Variants in MYT1L observed in about 807,000 individuals in gnomAD.
MYT1L encodes the protein myelin transcription factor 1-like protein.
A neutral mutation model predicts 126.7 loss-of-function variants in MYT1L; 12 were observed. The ratio of observed to expected loss-of-function variants is 0.09; its 90% confidence interval spans 0.06 to 0.15. MYT1L has a LOEUF of 0.15. Ranked by LOEUF, MYT1L falls within the 10% of genes least tolerant of loss-of-function variation. The pLI, the probability that MYT1L is intolerant of heterozygous loss-of-function variation, is 1.00. For synonymous variants in MYT1L, 541 were observed against 604.2 expected (o/e 0.90, Z 1.53); for missense variants, 979 against 1,585.2 (o/e 0.62, Z 6.49).
chr2:1,837,158 T>C (rs376326071), intron 21 of MYT1L, among the ~76,000 whole-genome samples: 2 of 152,174 alleles, frequency 1.3e-5, no homozygotes, highest in East Asian at 3.9e-4. Flanking sequence ...TAACATACAA[T>C]GCAACCAGAG....
At chr2:2,313,563 C>A (rs1032539350) in intron 1 of MYT1L, among the ~76,000 whole-genome samples, 12 of 151,508 alleles carry the variant, frequency 7.9e-5, no homozygotes, top group African/African-American at 2.9e-4. Context: ...TAGAACATTT[C>A]TCTTCAAAGA....
chr2:2,167,932 T>C (rs2089426171), intron 3 of MYT1L, among the ~76,000 whole-genome samples: 1 of 152,260 alleles, frequency 6.6e-6, no homozygotes, highest in Admixed American at 6.5e-5. Flanking sequence ...ACATACGTTA[T>C]ATAAATGCAT....
At chr2:2,199,569 G>T (rs181634953) in intron 2 of MYT1L, among the ~76,000 whole-genome samples, 1 of 152,298 alleles carries the variant, frequency 6.6e-6, no homozygotes, top group East Asian at 1.9e-4. Flanking sequence ...CCCCGTCCTC[G>T]CATTTGATGG....
At chr2:2,107,863 T>C (rs2078940673) in intron 3 of MYT1L, among the ~76,000 whole-genome samples, 1 of 152,096 alleles carries the variant, frequency 6.6e-6, no homozygotes, top group African/African-American at 2.4e-5. Context: ...CTGCTCTGCC[T>C]TTACCCCAGA....
rs1240333867 is a variant in MYT1L at position 2,172,560 on chromosome 2, C to A, written c.-304+312G>T. On this transcript the variant is annotated intron_variant, in intron 3 of 24. Transcript: ENST00000647738. ...AGATGAAAGTATTTACTCAAAGCAG[C>A]AAATGGGACAAGCACCAGAGGAGGG... Among the ~76,000 whole-genome samples, 3 of 152,266 alleles carry A rather than the reference C, an allele frequency of 2.0e-5. No homozygotes were observed. In the East Asian group the frequency reaches 5.8e-4, roughly 29 times the overall value.
intron 1 of MYT1L, among the ~76,000 whole-genome samples, chr2:2,297,221 G>A (rs1040164185): frequency 1.3e-5 from 2 of 152,236 alleles, no homozygotes; most frequent in African/African-American, 4.8e-5. Flanking sequence ...AGGCTTCTCA[G>A]TGAAGTCGTG....
intron 3 of MYT1L, among the ~76,000 whole-genome samples, chr2:2,085,789 A>G (rs1009686852): frequency 6.6e-6 from 1 of 152,148 alleles, no homozygotes; most frequent in Admixed American, 6.6e-5. Flanking sequence ...TGGCTTCCAC[A>G]TGGGGTGCTG....
chr2:2,304,563 G>C (rs1193427227), intron 1 of MYT1L, among the ~76,000 whole-genome samples: 1 of 152,062 alleles, frequency 6.6e-6, no homozygotes, highest in Non-Finnish European at 1.5e-5. Context: ...ATCTTTTAAT[G>C]CTTTTTAGCT....
chr2:1,975,645 C>T (rs191967860), intron 8 of MYT1L, among the ~76,000 whole-genome samples: 100 of 152,342 alleles, frequency 6.6e-4, no homozygotes, highest in Middle Eastern at 3.4e-3. Context: ...GGGTGGATCA[C>T]TTGAGGCCAG....
intron 1 of MYT1L, among the ~76,000 whole-genome samples, chr2:2,293,860 T>G (rs562300557): frequency 6.6e-6 from 1 of 152,282 alleles, no homozygotes; most frequent in South Asian, 2.1e-4. Context: ...GAACTCAGGC[T>G]TGTTCATGCC....
intron 2 of MYT1L, among the ~76,000 whole-genome samples, chr2:2,217,688 C>CAAAAAAAAA (rs1192733884): frequency 1.4e-5 from 1 of 70,880 alleles, no homozygotes; most frequent in Non-Finnish European, 2.8e-5. Context: ...ACAACAACAA[C>CAAAAAAAAA]AACAACAACA....
intron 20 of MYT1L, among the ~76,000 whole-genome samples, chr2:1,840,531 T>A (rs575658499): frequency 1.3e-5 from 2 of 152,206 alleles, no homozygotes; most frequent in Non-Finnish European, 2.9e-5. Flanking sequence ...GAACCTCAGA[T>A]TGATGGATAT....
At chr2:2,287,829 G>A (rs1052555265) in intron 1 of MYT1L, among the ~76,000 whole-genome samples, 1 of 152,224 alleles carries the variant, frequency 6.6e-6, no homozygotes, top group African/African-American at 2.4e-5. Flanking sequence ...CATGGAAATT[G>A]TAATAGCAAT....
intron 4 of MYT1L, among the ~76,000 whole-genome samples, chr2:2,032,613 C>G (rs1394154448): frequency 1.4e-5 from 2 of 145,224 alleles, no homozygotes; most frequent in South Asian, 2.3e-4. Context: ...ACACACACCC[C>G]TCGCAAGTGC....
chr2:2,104,747 C>A (rs2078537884), intron 3 of MYT1L, among the ~76,000 whole-genome samples: 1 of 152,232 alleles, frequency 6.6e-6, no homozygotes, highest in South Asian at 2.1e-4. Flanking sequence ...TTATTCCCAC[C>A]AGCATCCTTC....
chr2:2,188,125 C>A (rs182437001), intron 2 of MYT1L, among the ~76,000 whole-genome samples: 1 of 152,090 alleles, frequency 6.6e-6, no homozygotes, highest in African/African-American at 2.4e-5. Context: ...CTAAAAATTA[C>A]ACACACAAAT....
chr2:2,115,363 T>C (rs188226762), intron 3 of MYT1L, among the ~76,000 whole-genome samples: 1 of 152,300 alleles, frequency 6.6e-6, no homozygotes, highest in East Asian at 1.9e-4. Context: ...GATTCGCTTT[T>C]GAATAAATGA....
chr2:1,988,356 G>A (rs912959268), intron 5 of MYT1L, among the ~76,000 whole-genome samples: 2 of 152,212 alleles, frequency 1.3e-5, no homozygotes, highest in African/African-American at 4.8e-5. Flanking sequence ...GTGATGATAC[G>A]TGGCTCTGAA....
intron 15 of MYT1L, among the ~76,000 whole-genome samples, chr2:1,890,511 TA>T (rs993473200): frequency 3.8e-4 from 57 of 151,480 alleles, no homozygotes; most frequent in African/African-American, 1.2e-3. Flanking sequence ...TCTACTGGCT[TA>T]AAAAAAAACC....
Sources: gnomAD v4.1 joint callset for allele counts (sites outside exome capture counted in the v4.1 genomes callset) on GRCh38, gnomAD v4.1.1 for gene constraint, MANE v1.5 for transcripts, NCBI Gene and HGNC (gene_info 2026-07-23, HGNC 2026-07-21) for gene names.